The following XKR6 variants were observed in gnomAD, a reference collection of about 807,000 sequenced individuals.
XKR6 encodes XK-related protein 6.
Under a neutral mutation model 56.7 loss-of-function variants are expected in XKR6, and 22 were observed. The ratio of observed to expected loss-of-function variants is 0.39; its 90% CI spans 0.28 to 0.55. XKR6 has a LOEUF of 0.55. Among genes scored for constraint, XKR6 ranks in the 20% least tolerant of loss-of-function variants. The probability of loss-of-function intolerance (pLI) is 0.66; values close to 1 mark genes in which losing one functional copy is unlikely to be tolerated. For synonymous variants in XKR6, 524 were observed against 387.8 expected, an observed-to-expected ratio of 1.35 and a Z score of -4.13; for missense variants, 852 against 889.0, an observed-to-expected ratio of 0.96 and a Z score of 0.53.
At position 10,897,137 on chromosome 8, in the gene XKR6, T is replaced by C. The variant is rs1461755714; in HGVS notation, c.*815A>G. 1 of 152,622 alleles carries C rather than the reference T, an allele frequency of 6.6e-6. No individual in the cohort carries two copies. Among genetic ancestry groups the C allele is most frequent in the African/African-American group, 2.4e-5 (1 of 41,446 alleles). 9.5% of individuals were successfully genotyped at this position (152,622 alleles called of 1,614,324 possible). A position where few individuals can be genotyped will look rare whatever the true frequency, so the allele number is the denominator to read the frequency against. On this transcript the variant is annotated 3_prime_UTR_variant, in exon 3 of 3. Coordinates refer to ENST00000416569, the MANE Select transcript of XKR6 (RefSeq NM_173683.4). ...GATTCTTGCTAGGCAAATGCTAAAA[T>C]GGCACATAATCAGCCTTCAAGTAGC...
chr8:11,063,300 T>C (rs962232361), intron 1 of XKR6, among the ~76,000 whole-genome samples: 1 of 150,326 alleles, frequency 6.7e-6, no homozygotes, highest in African/African-American at 2.5e-5. Context: ...GTTAAAAAAA[T>C]GTAAAGAAAG....
intron 1 of XKR6, among the ~76,000 whole-genome samples, chr8:11,004,264 G>C (rs1047372991): frequency 1.3e-5 from 2 of 152,130 alleles, no homozygotes; most frequent in African/African-American, 4.8e-5. Context: ...ATGAGGTCAG[G>C]AGTTCGAGAC....
At chr8:11,197,467 T>G (rs1018292158) in intron 1 of XKR6, among the ~76,000 whole-genome samples, 6 of 152,196 alleles carry the variant, frequency 3.9e-5, no homozygotes, top group African/African-American at 7.2e-5. Context: ...GCTCTCACTC[T>G]CTATTAACAA....
intron 1 of XKR6, among the ~76,000 whole-genome samples, chr8:10,972,634 C>T (rs1339575968): frequency 6.6e-6 from 1 of 152,222 alleles, no homozygotes; most frequent in Non-Finnish European, 1.5e-5. Flanking sequence ...ACTGTATGAT[C>T]CCACTTATGT....
chr8:11,121,641 T>A (rs1799460351), intron 1 of XKR6, among the ~76,000 whole-genome samples: 2 of 152,214 alleles, frequency 1.3e-5, no homozygotes, highest in African/African-American at 4.8e-5. Context: ...TCCTCAGGGA[T>A]CTAGAACGGG....
At chr8:11,146,519 T>G (rs759408683) in intron 1 of XKR6, among the ~76,000 whole-genome samples, 2 of 151,706 alleles carry the variant, frequency 1.3e-5, no homozygotes, top group Non-Finnish European at 1.5e-5. Context: ...TTCCCAGCTA[T>G]GTGGAAAGCT....
chr8:11,151,230 A>G (rs950803561), intron 1 of XKR6, among the ~76,000 whole-genome samples: 1 of 152,232 alleles, frequency 6.6e-6, no homozygotes, highest in Non-Finnish European at 1.5e-5. Flanking sequence ...TAGTGAAAGT[A>G]TGCAACCTTG....
At chr8:11,086,798 G>C (rs781509794) in intron 1 of XKR6, among the ~76,000 whole-genome samples, 1 of 152,216 alleles carries the variant, frequency 6.6e-6, no homozygotes, top group Non-Finnish European at 1.5e-5. Context: ...ACAGTAGCTT[G>C]TTCTGCTGCT....
At chr8:11,096,672 G>A (rs778848293) in intron 1 of XKR6, among the ~76,000 whole-genome samples, 2 of 152,212 alleles carry the variant, frequency 1.3e-5, no homozygotes, top group Non-Finnish European at 2.9e-5. Context: ...AGGCCCCCAT[G>A]AGGTCCACTT....
chr8:10,993,679 C>T (rs544424742), intron 1 of XKR6, among the ~76,000 whole-genome samples: 1 of 152,238 alleles, frequency 6.6e-6, no homozygotes, highest in African/African-American at 2.4e-5. Context: ...TCACCCGACA[C>T]TGGGAGCCCC....
intron 1 of XKR6, among the ~76,000 whole-genome samples, chr8:10,982,495 T>G (rs1469022324): frequency 1.3e-5 from 2 of 152,232 alleles, no homozygotes; most frequent in Admixed American, 6.5e-5. Flanking sequence ...AGTCTGTACC[T>G]GGGCCTTGAT....
intron 1 of XKR6, among the ~76,000 whole-genome samples, chr8:11,029,491 A>G (rs185634116): frequency 3.9e-5 from 6 of 152,320 alleles, no homozygotes; most frequent in Admixed American, 3.9e-4. Context: ...ACAGAAGTGC[A>G]TGAACCAATG....
At chr8:11,082,586 G>GCTC (rs974992004) in intron 1 of XKR6, among the ~76,000 whole-genome samples, 6 of 152,202 alleles carry the variant, frequency 3.9e-5, no homozygotes, top group African/African-American at 1.4e-4. Context: ...GGACCACCTG[G>GCTC]CTCCTCCTCC....
At chr8:10,981,481 A>G (rs993584951) in intron 1 of XKR6, among the ~76,000 whole-genome samples, 8 of 152,200 alleles carry the variant, frequency 5.3e-5, no homozygotes, top group African/African-American at 1.9e-4. Flanking sequence ...CGTTTCCAGA[A>G]AGTTGCCAGA....
At chr8:11,109,144 C>T (rs1229578609) in intron 1 of XKR6, 1 of 152,170 alleles carries the variant, frequency 6.6e-6, no homozygotes, top group Non-Finnish European at 1.5e-5. Flanking sequence ...CTGAGGCCAA[C>T]ATAAAATCTG....
intron 1 of XKR6, among the ~76,000 whole-genome samples, chr8:11,158,809 A>T (rs1237681470): frequency 6.6e-6 from 1 of 152,216 alleles, no homozygotes; most frequent in Non-Finnish European, 1.5e-5. Context: ...GTTCAAGTAC[A>T]TCAAATGCAA....
At chr8:11,067,818 A>G (rs1800019959) in intron 1 of XKR6, among the ~76,000 whole-genome samples, 1 of 152,204 alleles carries the variant, frequency 6.6e-6, no homozygotes, top group African/African-American at 2.4e-5. Flanking sequence ...TGTGCCTCCC[A>G]CTTTTTGCCC....
chr8:11,162,909 T>C (rs1481903830), intron 1 of XKR6, among the ~76,000 whole-genome samples: 2 of 152,230 alleles, frequency 1.3e-5, no homozygotes, highest in African/African-American at 4.8e-5. Flanking sequence ...TTCACAGAAA[T>C]TTTTGCTAAT....
chr8:11,197,184 CAAGTT>C (rs1398704670), intron 1 of XKR6, among the ~76,000 whole-genome samples: 3 of 152,178 alleles, frequency 2.0e-5, no homozygotes, highest in Admixed American at 6.5e-5. Flanking sequence ...GTGGTATAAA[CAAGTT>C]AAGTAAATTC....
Sources: allele counts gnomAD v4.1 joint callset (sites outside exome capture counted in the v4.1 genomes callset), GRCh38; gene constraint gnomAD v4.1.1; transcripts MANE v1.5; gene names NCBI Gene and HGNC (gene_info 2026-07-23, HGNC 2026-07-21).